DNHD1: variants seen among roughly 807,000 people sequenced by gnomAD.
DNHD1 encodes dynein heavy chain domain 1, also known as dynein heavy chain domain-containing protein 1.
Under a neutral mutation model 458.1 loss-of-function variants are expected in DNHD1, and 383 were observed. The observed-to-expected ratio is 0.84, with a 90% CI of 0.77 to 0.91. DNHD1 has a LOEUF of 0.91. DNHD1 is among the 40% of genes least tolerant of loss of function. The pLI, the probability that DNHD1 is intolerant of heterozygous loss-of-function variation, is 0.00. For missense variants in DNHD1, 5,336 were observed against 5,866.1 expected, an observed-to-expected ratio of 0.91 and a Z score of 2.95; for synonymous variants, 2,203 against 2,376.9, an observed-to-expected ratio of 0.93 and a Z score of 2.13.
At chr11:6,529,199 G>A (rs1265879417) in intron 12 of DNHD1, 78 bp downstream of exon 12, 2 of 1,484,512 alleles carry the variant, frequency 1.3e-6, no homozygotes, top group Non-Finnish European at 1.8e-6. Flanking sequence ...GTCCTGGAAT[G>A]TCCTCCGGAG....
intron 12 of DNHD1, among the ~76,000 whole-genome samples, chr11:6,531,507 TC>T (rs1852827801): frequency 6.7e-6 from 1 of 149,602 alleles, no homozygotes; most frequent in East Asian, 2.0e-4. Flanking sequence ...TTGCTACTGG[TC>T]CAAAAGCAGC....
At chr11:6,544,064 T>C in intron 18 of DNHD1, 57 bp from the exon 19 acceptor site, 1 of 1,455,226 alleles carries the variant, frequency 6.9e-7, no homozygotes, top group Non-Finnish European at 9.2e-7. Flanking sequence ...TCCTCTTCTC[T>C]CCCCCAGCCC....
At chr11:6,537,800 G>T (rs1424033734) in intron 14 of DNHD1, among the ~76,000 whole-genome samples, 2 of 152,128 alleles carry the variant, frequency 1.3e-5, no homozygotes, top group Admixed American at 6.5e-5. Context: ...ACATGGTGGT[G>T]TGCGCCTGTA....
intron 3 of DNHD1, among the ~76,000 whole-genome samples, chr11:6,501,507 C>T (rs1006856138): frequency 2.3e-4 from 35 of 151,998 alleles, no homozygotes; most frequent in African/African-American, 8.5e-4. Context: ...ACCTCTTCCT[C>T]TGAAATCGGG....
Position 6,537,938 on chromosome 11 carries a change from AAAG to A in DNHD1, c.2999-440_2999-438del, listed in dbSNP as rs1238136795. Among the ~76,000 whole-genome samples, 4 of 152,176 alleles carry A rather than the reference AAAG, an allele frequency of 2.6e-5. No individual in the cohort carries two copies. The East Asian group carries it at 5.8e-4, about 22-fold the overall frequency. Reference sequence around the variant, plus strand: ...AGTGCAAGACTCTGTCTCAAAAAAAAAAGAAGATGCTGTTTGTTTGAACAAGGA... The same window carrying A: ...AGTGCAAGACTCTGTCTCAAAAAAAAAAGATGCTGTTTGTTTGAACAAGGA... On this transcript the variant is annotated intron_variant, in intron 14 of 42. Coordinates refer to ENST00000254579, the MANE Select transcript of DNHD1 (RefSeq NM_144666.3).
At chr11:6,569,639 G>C (rs976776362) in intron 39 of DNHD1, among the ~76,000 whole-genome samples, 1 of 152,136 alleles carries the variant, frequency 6.6e-6, no homozygotes, top group Non-Finnish European at 1.5e-5. Context: ...AGGCAGGACT[G>C]GGGGCAAGCA....
In DNHD1 at chr11:6,528,972, A is replaced by AAG; in HGVS notation, c.2200_2201dup (p.Asp734GlufsTer3). 1 of 1,551,650 alleles carries AAG rather than the reference A, an allele frequency of 6.4e-7. No homozygotes were observed. The highest frequency in any genetic ancestry group is 8.7e-7 in the Non-Finnish European group (1 of 1,146,976). On this transcript the variant is annotated frameshift_variant, in exon 12 of 43. Coordinates refer to ENST00000254579, the MANE Select transcript of DNHD1 (RefSeq NM_144666.3). LOFTEE classifies it high-confidence loss of function. The stretch of plus-strand genomic sequence containing the variant: ...CAATCCTGGGGGCCTCAGAAGCTGG[A>AAG]AGACATGAGAGGTGGTCCCATCAAG...
Position 6,567,445 on chromosome 11 carries a change from C to T in DNHD1, c.11936C>T (p.Pro3979Leu), listed in dbSNP as rs369448126. ...HSKPVSDVAR[P>L]AWLGPKAWHE... Reference sequence around the variant, plus strand: ...AAGCCAGTCTCAGATGTGGCTCGACCGGCCTGGCTTGGGCCAAAAGCCTGG... The same window carrying T: ...AAGCCAGTCTCAGATGTGGCTCGACTGGCCTGGCTTGGGCCAAAAGCCTGG... Residue 3979 changes from proline (P) to leucine (L), a missense_variant, in exon 36 of 43, where the codon CCG (proline) becomes CTG (leucine). Physicochemically the swap from Pro to Leu is moderately conservative, Grantham distance 98. Transcript: ENST00000254579. 2.0e-5 allele frequency: 32 copies of T among 1,612,172 alleles called. No individual in the cohort carries two copies. Among genetic ancestry groups the T allele is most frequent in the African/African-American group, 4.0e-5 (3 of 75,018 alleles).
At position 6,557,660 on chromosome 11, in the gene DNHD1, A is replaced by G; in HGVS notation, c.8365A>G (p.Thr2789Ala). The G allele has an allele frequency of 6.4e-7, 1 of 1,551,712 alleles. No homozygotes were observed. Among genetic ancestry groups the G allele is most frequent in the Non-Finnish European group, 8.7e-7 (1 of 1,146,986 alleles). Residue 2789 changes from threonine to alanine, a missense_variant, in exon 25 of 43, where the codon ACT becomes GCT. Physicochemically the swap from Thr to Ala is moderately conservative, Grantham distance 58 (BLOSUM62 0). Coordinates refer to ENST00000254579, the MANE Select transcript of DNHD1 (RefSeq NM_144666.3). ...YRLQVRRSFK[T>A]WWQKKPQMDL... ...GCTCCAGGTAAGGAGATCATTCAAG[A>G]CTTGGTGGCAGAAGAAACCCCAGAT...
Position 6,528,878 on chromosome 11 carries a change from G to T in DNHD1, c.2104G>T (p.Gly702Cys). 6.4e-7 allele frequency: 1 copy of T among 1,551,660 alleles called. No individual in the cohort carries two copies. Among genetic ancestry groups the T allele is most frequent in the South Asian group, 1.2e-5 (1 of 84,068 alleles). ...CCCTAAACACCTTGTCTGCCCTTAG[G>T]GCGTGCTGTGCAAGGTGCAGGAATT... ...ALNIQQVLLEGVLCKVQEFCR... is the reference protein window; with the variant it reads ...ALNIQQVLLECVLCKVQEFCR... Residue 702 changes from glycine to cysteine, a missense_variant and splice_region_variant, in exon 12 of 43, where the codon GGC becomes TGC. By Grantham distance (159) the Gly-to-Cys change is radical. Coordinates refer to ENST00000254579, the MANE Select transcript of DNHD1 (RefSeq NM_144666.3).
Position 6,498,034 on chromosome 11 carries a change from T to G in DNHD1, c.-182T>G. On this transcript the variant is annotated 5_prime_UTR_variant, in exon 3 of 43. Transcript: ENST00000254579. ...CATCTATTTCCCTGTCCCAGGTCCT[T>G]TCTTCCTCCTAACCCCATTGACTCT... is the stretch of plus-strand genomic sequence containing the variant. The G allele has an allele frequency of 1.3e-6, 1 of 791,624 alleles. No homozygotes were observed. Among genetic ancestry groups the G allele is most frequent in the East Asian group, 2.5e-5 (1 of 40,564 alleles). 49.0% of individuals were successfully genotyped at this position (791,624 alleles called of 1,614,324 possible).
At chr11:6,549,070 C>A in intron 24 of DNHD1, 137 bp downstream of exon 24, 1 of 953,650 alleles carries the variant, frequency 1.0e-6, no homozygotes, top group Non-Finnish European at 1.5e-6. Flanking sequence ...TCTTCTCATT[C>A]TACATATGCT....
Position 6,571,583 on chromosome 11 carries a change from C to A in DNHD1, c.13912-53C>A. 1 of 1,483,716 alleles carries A rather than the reference C, an allele frequency of 6.7e-7. No individual in the cohort carries two copies. The highest frequency in any genetic ancestry group is 9.0e-7 in the Non-Finnish European group (1 of 1,109,618). The allele number at this position is 1,483,716 out of a possible 1,614,324, so 91.9% of individuals were successfully genotyped here. On this transcript the variant is annotated intron_variant, in intron 42 of 42. Transcript: ENST00000254579. The surrounding 1 kb of genome is among the most constrained non-coding windows in gnomAD (Gnocchi z 5.0). ...CCTACCCGCTAACCCCCACTTCCCA[C>A]CTGCCACCTCCCAGCTTCCTAGCCT... is the stretch of plus-strand genomic sequence containing the variant.
At chr11:6,519,540 G>C in intron 7 of DNHD1, 60 bp from the exon 8 acceptor site, 1 of 1,593,074 alleles carries the variant, frequency 6.3e-7, no homozygotes, top group Non-Finnish European at 8.6e-7. Context: ...GCACAGACTA[G>C]TGGGTGGCTG....
rs1437460994 is a variant in DNHD1 at position 6,571,608 on chromosome 11, T to C, written c.13912-28T>C. ...CCTGCCACCTCCCAGCTTCCTAGCC[T>C]TGCCTGACCAGCTTCTGACGCCCCC... On this transcript the variant is annotated intron_variant, in intron 42 of 42. Coordinates refer to ENST00000254579, the MANE Select transcript of DNHD1 (RefSeq NM_144666.3). The surrounding 1 kb of genome is among the most constrained non-coding windows in gnomAD (Gnocchi z 5.0). The C allele has an allele frequency of 2.6e-6, 4 of 1,522,312 alleles. No homozygotes were observed. The highest frequency in any genetic ancestry group is 2.7e-5 in the African/African-American group (2 of 72,748). The allele number at this position is 1,522,312 out of a possible 1,614,324, so 94.3% of individuals were successfully genotyped here. A position where few individuals can be genotyped will look rare whatever the true frequency, so the allele number is the denominator to read the frequency against.
At chr11:6,533,268 T>C in intron 13 of DNHD1, 84 bp downstream of exon 13, 1 of 1,375,678 alleles carries the variant, frequency 7.3e-7, no homozygotes, top group Non-Finnish European at 9.9e-7. Flanking sequence ...AGGTCTCTGC[T>C]GAGCCCCCAG....
Position 6,567,745 on chromosome 11 carries a change from T to G in DNHD1, c.12236T>G (p.Phe4079Cys). 6.2e-7 allele frequency: 1 copy of G among 1,613,916 alleles called. No homozygotes were observed. The highest frequency in any genetic ancestry group is 8.5e-7 in the Non-Finnish European group (1 of 1,179,884). Residue 4079 changes from phenylalanine to cysteine, a missense_variant, in exon 36 of 43, where the codon TTT (phenylalanine) becomes TGT (cysteine). Phe to Cys is a radical substitution (Grantham distance 205, BLOSUM62 -2). This residue lies in a region of DNHD1 where 695 missense variants were observed against 804.2 expected (regional missense o/e 0.86). Coordinates refer to ENST00000254579, the MANE Select transcript of DNHD1 (RefSeq NM_144666.3). ...DENTYAPTMP[F>C]KHSQATQPML... The stretch of plus-strand genomic sequence containing the variant: ...AACACGTATGCTCCCACCATGCCCT[T>G]TAAACATAGTCAGGCTACTCAGCCC...
chr11:6,514,433 AT>A (rs983521995), intron 7 of DNHD1, among the ~76,000 whole-genome samples: 1 of 150,548 alleles, frequency 6.6e-6, no homozygotes, highest in Non-Finnish European at 1.5e-5. Flanking sequence ...ACCAACACTT[AT>A]TTTTTTTCTT....
Position 6,565,934 on chromosome 11 carries a change from G to A in DNHD1, c.10996G>A (p.Val3666Ile). Residue 3666 changes from valine (V) to isoleucine (I), a missense_variant, in exon 33 of 43, where the codon GTT becomes ATT. By Grantham distance (29) the Val-to-Ile change is conservative. Around this residue, in one of 4 missense-constraint regions of DNHD1, gnomAD observed 695 missense variants for 804.2 expected, o/e 0.86. Transcript: ENST00000254579. ...GCTTCCATCCCTTCCCTACCTTAGTGTTCTTTCAGGTGCTGACCCAGAGCT... is the reference window on the plus strand; with the variant it reads ...GCTTCCATCCCTTCCCTACCTTAGTATTCTTTCAGGTGCTGACCCAGAGCT... ...TQLPSLPYLS[V>I]LSGADPELGS... 1.3e-6 allele frequency: 2 copies of A among 1,551,654 alleles called. No homozygotes were observed. The highest frequency in any genetic ancestry group is 1.7e-6 in the Non-Finnish European group (2 of 1,146,996).
Sources: gnomAD v4.1 joint callset for allele counts (sites outside exome capture counted in the v4.1 genomes callset) on GRCh38, gnomAD v4.1.1 for gene constraint, gnomAD v4.1.1 regional missense constraint, Gnocchi (gnomAD v3.1) non-coding constraint, MANE v1.5 for transcripts, NCBI Gene and HGNC (gene_info 2026-07-23, HGNC 2026-07-21) for gene names.